The following RIOK2 variants were observed in gnomAD, a reference collection of about 807,000 sequenced individuals.
The protein encoded by RIOK2 is serine/threonine-protein kinase RIO2.
A neutral mutation model predicts 62.4 loss-of-function variants in RIOK2; 46 were observed. The ratio of observed to expected loss-of-function variants is 0.74; its 90% CI spans 0.58 to 0.94. The LOEUF (loss-of-function observed/expected upper bound fraction) is 0.94. Ranked by LOEUF, RIOK2 falls within the 40% of genes least tolerant of loss-of-function variation. The pLI is 0.00. For synonymous variants in RIOK2, 197 were observed against 216.0 expected (o/e 0.91, Z 0.77); for missense variants, 574 against 658.0 (o/e 0.87, Z 1.40).
chr5:97,164,977 G>A (rs745433816), intron 9 of RIOK2, 74 bp downstream of exon 9: 3 of 968,786 alleles, frequency 3.1e-6, no homozygotes, highest in African/African-American at 1.6e-5. Flanking sequence ...ATACATTATT[G>A]TTTAATGAGA....
intron 8 of RIOK2, 156 bp downstream of exon 8, chr5:97,167,311 T>A (rs2112827454): frequency 1.4e-6 from 2 of 1,446,764 alleles, no homozygotes; most frequent in East Asian, 5.0e-5. Context: ...TATTTTGAGT[T>A]TTTAACAACA....
At chr5:97,163,317 G>T in intron 9 of RIOK2, 92 bp from the exon 10 acceptor site, 1 of 1,042,256 alleles carries the variant, frequency 9.6e-7, no homozygotes, top group Non-Finnish European at 1.4e-6. Flanking sequence ...TTGACACCAT[G>T]AATTTTAAGA....
intron 2 of RIOK2, chr5:97,178,756 A>T (rs1749251385): frequency 2.8e-6 from 1 of 353,158 alleles, no homozygotes; most frequent in African/African-American, 2.4e-5. Flanking sequence ...GCAGTACTCT[A>T]CATGCTCTTC....
chr5:97,166,859 TA>T, intron 8 of RIOK2: 1 of 982,806 alleles, frequency 1.0e-6, no homozygotes, highest in Non-Finnish European at 1.2e-6. Flanking sequence ...CTCATCCATC[TA>T]AAACCTGATC....
At chr5:97,178,399 ATGCTCTTCT>A (rs1749232112) in intron 2 of RIOK2, among the ~76,000 whole-genome samples, 1 of 143,658 alleles carries the variant, frequency 7.0e-6, no homozygotes, top group Non-Finnish European at 1.5e-5. Context: ...CATGCTCTTC[ATGCTCTTCT>A]ACAGTACCTA....
chr5:97,178,922 C>T (rs75104853), intron 2 of RIOK2, 133 bp downstream of exon 2: 80,970 of 994,818 alleles, frequency 0.081, 3,570 homozygotes, highest in Middle Eastern at 0.1. Flanking sequence ...AGGATATGGC[C>T]GAAGTGTGTT....
rs775229075 is a variant in RIOK2, at chr5:97,167,583, G to A, written c.1281C>T (p.Asn427=). 8.1e-6 allele frequency: 13 copies of A among 1,614,072 alleles called. No homozygotes were observed. Among genetic ancestry groups the A allele is most frequent in the East Asian group, 4.5e-5 (2 of 44,894 alleles). Residue 427 remains asparagine, a synonymous_variant, in exon 8 of 10, where the codon AAC becomes AAT. Coordinates refer to ENST00000283109, the MANE Select transcript of RIOK2 (RefSeq NM_018343.3). ...CTTGAACTCTCTGACCATCTTGCCT[G>A]TTGTAATTTTCAGTTCTGTTTTTCT... ...SEEKNRTENY[N]RQDGQRVQGG... is the part of the protein sequence containing the mutation.
At position 97,163,114 on chromosome 5, in the gene RIOK2, T is replaced by C. The variant is rs1667713466; in HGVS notation, c.1606A>G (p.Asn536Asp). 1.9e-6 allele frequency: 3 copies of C among 1,613,558 alleles called. 1 individual carries two copies. Reference sequence around the variant, plus strand: ...AAACTTGATTTGATATTTTGCATGTTTTCCCTACGTTGCTTGGTAAATATA... The same window carrying C: ...AAACTTGATTTGATATTTTGCATGTCTTCCCTACGTTGCTTGGTAAATATA... ...ANIFTKQRRE[N>D]MQNIKSSLEA... is the part of the protein sequence containing the mutation. The change falls in exon 10 of 10, where the codon AAC becomes GAC. Residue 536 changes from asparagine (N) to aspartate (D), a missense_variant. By Grantham distance (23) the Asn-to-Asp change is conservative (BLOSUM62 1). Transcript: ENST00000283109.
At chr5:97,175,381 C>T (rs957702661) in intron 4 of RIOK2, among the ~76,000 whole-genome samples, 2 of 152,192 alleles carry the variant, frequency 1.3e-5, no homozygotes, top group South Asian at 2.1e-4. Context: ...CTTGTGCTAT[C>T]GCCTAGACCT....
At chr5:97,164,186 C>T (rs534294710) in intron 9 of RIOK2, among the ~76,000 whole-genome samples, 4 of 151,974 alleles carry the variant, frequency 2.6e-5, no homozygotes, top group East Asian at 3.9e-4. Flanking sequence ...CCACTATGCC[C>T]GGCCAAATTT....
chr5:97,179,810 C>CGGGGG (rs1490845217), intron 1 of RIOK2, among the ~76,000 whole-genome samples: 1 of 5,496 alleles, frequency 1.8e-4, no homozygotes, highest in Non-Finnish European at 2.9e-4. Context: ...TGGGGCCTGT[C>CGGGGG]GGGGGGTGGG....
At chr5:97,168,019 A>G in intron 7 of RIOK2, 28 bp from the exon 8 acceptor site, 1 of 1,541,012 alleles carries the variant, frequency 6.5e-7, no homozygotes, top group Non-Finnish European at 8.7e-7. Flanking sequence ...CAAGCATAGA[A>G]AGAGAGAAAA....
At chr5:97,175,484 T>C (rs1201145564) in intron 4 of RIOK2, among the ~76,000 whole-genome samples, 6 of 152,246 alleles carry the variant, frequency 3.9e-5, no homozygotes, top group African/African-American at 1.4e-4. Context: ...ATTCCATTCC[T>C]ATACCTTCAA....
At chr5:97,167,107 G>C (rs1224348905) in intron 8 of RIOK2, 1 of 650,002 alleles carries the variant, frequency 1.5e-6, no homozygotes, top group Non-Finnish European at 2.0e-6. Flanking sequence ...AGTAGAGACA[G>C]GGTTTTGCCA....
At chr5:97,165,315 A>C (rs1748815741) in intron 8 of RIOK2, among the ~76,000 whole-genome samples, 168 bp from the exon 9 acceptor site, 1 of 152,246 alleles carries the variant, frequency 6.6e-6, no homozygotes, top group Non-Finnish European at 1.5e-5. Context: ...CCTACTGTTA[A>C]GTTCTATACA....
intron 4 of RIOK2, among the ~76,000 whole-genome samples, chr5:97,174,683 GGCTCCACTCA>G (rs1291015917): frequency 2.6e-5 from 4 of 151,954 alleles, no homozygotes; most frequent in African/African-American, 9.7e-5. Flanking sequence ...CAAGCTTCAT[GGCTCCACTCA>G]GCTCCACTCA....
intron 2 of RIOK2, among the ~76,000 whole-genome samples, chr5:97,178,547 C>T (rs979029244): frequency 8.7e-5 from 13 of 148,782 alleles, no homozygotes; most frequent in East Asian, 2.1e-4. Context: ...GCAGTACCTA[C>T]GTGCTCTTCT....
intron 1 of RIOK2, among the ~76,000 whole-genome samples, chr5:97,179,977 A>ATATT (rs59997106): frequency 2.1e-5 from 1 of 47,356 alleles, no homozygotes; most frequent in Admixed American, 3.1e-4. Flanking sequence ...ATATATATAT[A>ATATT]ATATATATAT....
rs1428812175 is a variant in RIOK2 at position 97,177,264 on chromosome 5, CCTT to C, written c.347_349del (p.Glu116del). 1.9e-6 allele frequency: 3 copies of C among 1,612,270 alleles called. No individual in the cohort carries two copies. The highest frequency in any genetic ancestry group is 2.7e-5 in the African/African-American group (2 of 74,844). On this transcript the variant is annotated inframe_deletion, in exon 4 of 10. Coordinates refer to ENST00000283109, the MANE Select transcript of RIOK2 (RefSeq NM_018343.3). ...GTGAAGCTTTAATGCAAATTGTTGT[CCTT>C]CTTCATTTGCAACAATGTAAATATC...
Sources: allele counts gnomAD v4.1 joint callset (sites outside exome capture counted in the v4.1 genomes callset), GRCh38; gene constraint gnomAD v4.1.1; transcripts MANE v1.5; gene names NCBI Gene and HGNC (gene_info 2026-07-23, HGNC 2026-07-21).